PDE4D: variants seen among roughly 807,000 people sequenced by gnomAD.
PDE4D encodes the protein 3',5'-cyclic-AMP phosphodiesterase 4D.
A neutral mutation model predicts 87.4 loss-of-function variants in PDE4D; 24 were observed. That is an observed-to-expected ratio of 0.27 (90% CI 0.20 to 0.39). The LOEUF (loss-of-function observed/expected upper bound fraction) is 0.39, where lower values mean the gene tolerates loss of function less well. Among genes scored for constraint, PDE4D ranks in the 10% least tolerant of loss-of-function variants. The pLI is 1.00. For missense variants in PDE4D, 714 were observed against 1,041.0 expected (o/e 0.69, Z 4.32); for synonymous variants, 384 against 383.2 (o/e 1.00, Z -0.02).
At chr5:59,937,935 G>A (rs887223661) in intron 3 of PDE4D, among the ~76,000 whole-genome samples, 1 of 152,148 alleles carries the variant, frequency 6.6e-6, no homozygotes, top group Non-Finnish European at 1.5e-5. Flanking sequence ...TGACATAGCT[G>A]TCTCCATTAA....
intron 1 of PDE4D, among the ~76,000 whole-genome samples, chr5:59,230,493 T>C (rs919350211): frequency 6.6e-6 from 1 of 152,152 alleles, no homozygotes; most frequent in Non-Finnish European, 1.5e-5. Flanking sequence ...TTTTATTGAC[T>C]AAATAAGAAT....
At chr5:59,705,673 G>A (rs1753280700) in intron 1 of PDE4D, among the ~76,000 whole-genome samples, 1 of 152,060 alleles carries the variant, frequency 6.6e-6, no homozygotes, top group Non-Finnish European at 1.5e-5. Context: ...ACCTATCTGG[G>A]TTACTAATAT....
intron 6 of PDE4D, among the ~76,000 whole-genome samples, chr5:59,014,435 C>A (rs575745060): frequency 5.7e-4 from 86 of 152,184 alleles, no homozygotes; most frequent in African/African-American, 2.0e-3. Flanking sequence ...AGCTGATAAA[C>A]AACTTCAGCA....
At chr5:60,519,166 G>A (rs1750930888) in intron 1 of PDE4D, among the ~76,000 whole-genome samples, 1 of 152,186 alleles carries the variant, frequency 6.6e-6, no homozygotes, top group Non-Finnish European at 1.5e-5. Flanking sequence ...AAAAGAGAGA[G>A]AACATTCAGC....
intron 11 of PDE4D, among the ~76,000 whole-genome samples, chr5:58,978,217 C>CTGCACTCCAAACTAGG (rs1580049434): frequency 6.8e-6 from 1 of 146,902 alleles, no homozygotes; most frequent in Non-Finnish European, 1.5e-5. Context: ...GAGTTCAAGA[C>CTGCACTCCAAACTAGG]CAGCCTGGTC....
chr5:59,529,013 A>G (rs1303258870), intron 1 of PDE4D: 2 of 469,622 alleles, frequency 4.3e-6, no homozygotes, highest in Non-Finnish European at 8.6e-6. Flanking sequence ...CTGCTTCAGT[A>G]CAACAACCAA....
intron 2 of PDE4D, among the ~76,000 whole-genome samples, chr5:60,043,725 A>G (rs1023520251): frequency 1.3e-5 from 2 of 151,964 alleles, no homozygotes; most frequent in African/African-American, 4.8e-5. Flanking sequence ...CCTTCTTGAA[A>G]GCTCTTCTTT....
intron 2 of PDE4D, among the ~76,000 whole-genome samples, chr5:60,075,262 C>T (rs1232810786): frequency 6.6e-6 from 1 of 152,178 alleles, no homozygotes; most frequent in African/African-American, 2.4e-5. Context: ...TTCTTCTTTG[C>T]TTATGACACT....
At chr5:60,435,237 C>T (rs1744669856) in intron 1 of PDE4D, among the ~76,000 whole-genome samples, 1 of 152,062 alleles carries the variant, frequency 6.6e-6, no homozygotes, top group Admixed American at 6.6e-5. Context: ...ACTCTGATTA[C>T]TAAATCTCTA....
rs70975344 is a variant in PDE4D at position 59,877,479 on chromosome 5, T to TA, written c.455+15688dup. On this transcript the variant is annotated intron_variant, in intron 1 of 14. Coordinates refer to ENST00000340635, the MANE Select transcript of PDE4D (RefSeq NM_001104631.2). ...CATTCAGCACATGTATGCCAGAACC[T>TA]AAAAAAAAAAAAAAAAAAAAAGAAG... is the stretch of plus-strand genomic sequence containing the variant. 7.1e-3 allele frequency among the ~76,000 whole-genome samples: 727 copies of TA among 102,364 alleles called. 4 individuals carry two copies. Among genetic ancestry groups the TA allele is most frequent in the Non-Finnish European group, 0.011 (523 of 48,758 alleles). 67.2% of individuals were successfully genotyped at this position (102,364 alleles called of 152,430 possible). A position where few individuals can be genotyped will look rare whatever the true frequency, so the allele number is the denominator to read the frequency against.
intron 2 of PDE4D, among the ~76,000 whole-genome samples, chr5:60,040,175 C>A (rs1768306081): frequency 6.6e-6 from 1 of 152,138 alleles, no homozygotes. Context: ...AGCGTCTAAG[C>A]AAAATTCTTT....
rs561202123 is a variant in PDE4D, at chr5:59,388,287, C to T, written c.456-172319G>A. ...ACATCACTTAATAATCAAGGAAATGCAAACTAAAACCACAATGAGATATCA... is the reference window on the plus strand; with the variant it reads ...ACATCACTTAATAATCAAGGAAATGTAAACTAAAACCACAATGAGATATCA... On this transcript the variant is annotated intron_variant, in intron 1 of 14. Coordinates refer to ENST00000340635, the MANE Select transcript of PDE4D (RefSeq NM_001104631.2). Among the ~76,000 whole-genome samples the T allele has an allele frequency of 9.2e-5, 14 of 152,034 alleles. No homozygotes were observed. In the East Asian group the frequency reaches 2.7e-3, roughly 29 times the overall value.
At chr5:59,143,573 G>T (rs13177540) in intron 5 of PDE4D, among the ~76,000 whole-genome samples, 117 of 152,236 alleles carry the variant, frequency 7.7e-4, no homozygotes, top group Non-Finnish European at 1.1e-3. Context: ...ATATGTACAT[G>T]AAAAACTTGG....
intron 1 of PDE4D, among the ~76,000 whole-genome samples, chr5:59,501,657 C>G (rs1808305633): frequency 6.6e-6 from 1 of 152,060 alleles, no homozygotes; most frequent in Non-Finnish European, 1.5e-5. Flanking sequence ...AAGATCTAAA[C>G]TAGTGTAGTC....
intron 1 of PDE4D, among the ~76,000 whole-genome samples, chr5:60,509,766 T>C (rs1028453561): frequency 2.0e-5 from 3 of 152,194 alleles, no homozygotes; most frequent in Non-Finnish European, 2.9e-5. Context: ...TTTCTTTTTT[T>C]TGTACTCAGT....
At chr5:58,988,054 TA>T (rs1430169775) in intron 11 of PDE4D, among the ~76,000 whole-genome samples, 7 of 152,274 alleles carry the variant, frequency 4.6e-5, no homozygotes, top group Non-Finnish European at 8.8e-5. Flanking sequence ...TAGAAGATTT[TA>T]AAAAGGAAAG....
intron 1 of PDE4D, among the ~76,000 whole-genome samples, chr5:59,886,659 G>C (rs1267673546): frequency 6.6e-6 from 1 of 152,076 alleles, no homozygotes; most frequent in Non-Finnish European, 1.5e-5. Context: ...GCAGAGCATA[G>C]GGAAAGCAAT....
chr5:59,269,190 C>A (rs1293867598), intron 1 of PDE4D, among the ~76,000 whole-genome samples: 1 of 151,918 alleles, frequency 6.6e-6, no homozygotes. Context: ...GGGTGGAGAA[C>A]CCCATTTTGA....
At chr5:60,046,609 C>T (rs1477729908) in intron 2 of PDE4D, among the ~76,000 whole-genome samples, 2 of 152,304 alleles carry the variant, frequency 1.3e-5, no homozygotes, top group African/African-American at 4.8e-5. Context: ...GCCTTTTCTG[C>T]ATCTATTGAG....
Sources: gnomAD v4.1 joint callset for allele counts (sites outside exome capture counted in the v4.1 genomes callset) on GRCh38, gnomAD v4.1.1 for gene constraint, MANE v1.5 for transcripts, NCBI Gene and HGNC (gene_info 2026-07-23, HGNC 2026-07-21) for gene names.